AFG2A: variants seen among roughly 807,000 people sequenced by gnomAD.
AFG2A encodes ATPase family gene 2 protein homolog A.
chr4:122,957,453 G>A, the AFG2A span, among the ~76,000 whole-genome samples: 1 of 152,156 alleles, frequency 6.6e-6, no homozygotes, highest in Non-Finnish European at 1.5e-5. Flanking sequence ...TGAAGTAGTA[G>A]GACTATGTTC....
chr4:123,262,806 A>G, the AFG2A span, among the ~76,000 whole-genome samples: 1 of 152,230 alleles, frequency 6.6e-6, no homozygotes, highest in African/African-American at 2.4e-5. Flanking sequence ...AGTTTTATAT[A>G]ATGTATTTAT....
chr4:123,304,157 C>T, the AFG2A span, among the ~76,000 whole-genome samples: 1 of 152,130 alleles, frequency 6.6e-6, no homozygotes, highest in Non-Finnish European at 1.5e-5. Flanking sequence ...CAGTTTGGGG[C>T]ACCCCTTGCT....
chr4:123,134,622 C>A, the AFG2A span, among the ~76,000 whole-genome samples: 1 of 122,380 alleles, frequency 8.2e-6, no homozygotes, highest in Admixed American at 9.9e-5. Flanking sequence ...TGCAAAGGAT[C>A]ATAAGAAACT....
At chr4:123,295,783 G>C in the AFG2A span, among the ~76,000 whole-genome samples, 7 of 152,176 alleles carry the variant, frequency 4.6e-5, no homozygotes, top group African/African-American at 1.7e-4. Flanking sequence ...ATGGTGATGC[G>C]TGCCTGTAGT....
the AFG2A span, among the ~76,000 whole-genome samples, chr4:123,078,926 C>G: frequency 0.022 from 3,340 of 152,270 alleles, 62 homozygotes; most frequent in Non-Finnish European, 0.036. Flanking sequence ...ATAAGGATTA[C>G]CTTCACCTAG....
At chr4:123,279,456 A>G in the AFG2A span, among the ~76,000 whole-genome samples, 3 of 152,142 alleles carry the variant, frequency 2.0e-5, no homozygotes, top group Non-Finnish European at 4.4e-5. Context: ...TATATAAAAT[A>G]TACATACAAG....
At chr4:123,235,830 A>T in the AFG2A span, among the ~76,000 whole-genome samples, 1 of 152,176 alleles carries the variant, frequency 6.6e-6, no homozygotes, top group Non-Finnish European at 1.5e-5. Flanking sequence ...ATAGATTTTA[A>T]ACTTTTTGTT....
At chr4:123,054,107 C>T in the AFG2A span, among the ~76,000 whole-genome samples, 16 of 152,306 alleles carry the variant, frequency 1.1e-4, no homozygotes, top group African/African-American at 3.6e-4. Context: ...TCTCTGAACC[C>T]TTTGGCAGAT....
At chr4:122,947,177 A>C in the AFG2A span, 11 of 1,449,878 alleles carry the variant, frequency 7.6e-6, no homozygotes, top group South Asian at 1.5e-5. Context: ...TGTGCCTCTC[A>C]CTTTTTTTTT....
At chr4:123,218,261 A>G in the AFG2A span, among the ~76,000 whole-genome samples, 1 of 152,230 alleles carries the variant, frequency 6.6e-6, no homozygotes, top group Non-Finnish European at 1.5e-5. Context: ...TGCAGGCAAA[A>G]TAAAAGTAGG....
the AFG2A span, among the ~76,000 whole-genome samples, chr4:122,954,215 A>G: frequency 6.4e-3 from 979 of 152,194 alleles, 14 homozygotes; most frequent in African/African-American, 0.022. Flanking sequence ...CATGCGATGT[A>G]TGCCATTCCA....
At chr4:123,313,818 A>G in the AFG2A span, 12 of 1,361,804 alleles carry the variant, frequency 8.8e-6, no homozygotes, top group Non-Finnish European at 1.2e-5. Context: ...AATATTTGGA[A>G]TATTATGTTT....
the AFG2A span, among the ~76,000 whole-genome samples, chr4:123,266,937 T>G: frequency 6.6e-6 from 1 of 152,016 alleles, no homozygotes; most frequent in Non-Finnish European, 1.5e-5. Context: ...ATTATTTTGC[T>G]CTTTCTTTGA....
At chr4:123,100,066 TTG>T in the AFG2A span, among the ~76,000 whole-genome samples, 11 of 133,370 alleles carry the variant, frequency 8.2e-5, no homozygotes, top group Non-Finnish European at 8.4e-5. Flanking sequence ...TAAAAGAAAT[TTG>T]GTTTTTCAAG....
the AFG2A span, among the ~76,000 whole-genome samples, chr4:123,116,571 A>AT: frequency 2.6e-5 from 4 of 152,182 alleles, no homozygotes; most frequent in East Asian, 7.7e-4. Flanking sequence ...TAATGCTGAG[A>AT]TTGAGAAACC....
At chr4:123,099,585 A>G in the AFG2A span, among the ~76,000 whole-genome samples, 2 of 151,758 alleles carry the variant, frequency 1.3e-5, no homozygotes, top group Non-Finnish European at 3.0e-5. Flanking sequence ...TTCTGAAGAT[A>G]CATTATAAGT....
the AFG2A span, chr4:122,929,241 A>G: frequency 4.0e-6 from 6 of 1,500,654 alleles, no homozygotes; most frequent in South Asian, 4.3e-5. Flanking sequence ...AAAGCTGCCC[A>G]GTAGAAATAT....
chr4:123,007,615 T>C, the AFG2A span, among the ~76,000 whole-genome samples: 1 of 43,356 alleles, frequency 2.3e-5, no homozygotes, highest in African/African-American at 8.6e-5. Context: ...TGTGTATATA[T>C]ATATATATAT....
the AFG2A span, among the ~76,000 whole-genome samples, chr4:123,150,751 A>C: frequency 3.9e-5 from 6 of 152,226 alleles, no homozygotes; most frequent in Admixed American, 1.3e-4. Context: ...CTTCCTTCAC[A>C]GAATTAGAAG....
Sources: allele counts gnomAD v4.1 joint callset (sites outside exome capture counted in the v4.1 genomes callset), GRCh38; gene constraint gnomAD v4.1.1; transcripts MANE v1.5; gene names NCBI Gene and HGNC (gene_info 2026-07-23, HGNC 2026-07-21).